The following CFAP95 variants were observed in gnomAD, a reference collection of about 807,000 sequenced individuals.
CFAP95 encodes the protein cilia and flagella associated protein 95.
the CFAP95 span, among the ~76,000 whole-genome samples, chr9:69,883,134 G>C: frequency 1.3e-4 from 20 of 152,228 alleles, no homozygotes; most frequent in South Asian, 4.1e-3. Flanking sequence ...ATTGGTGTAA[G>C]AGTTAAAGAA....
the CFAP95 span, among the ~76,000 whole-genome samples, chr9:69,873,732 A>G: frequency 7.9e-5 from 12 of 152,324 alleles, no homozygotes; most frequent in East Asian, 1.7e-3. Context: ...TCTGGCTGCC[A>G]GGAAGCTGGG....
the CFAP95 span, among the ~76,000 whole-genome samples, chr9:69,876,778 G>T: frequency 2.0e-5 from 3 of 151,948 alleles, no homozygotes; most frequent in African/African-American, 7.2e-5. Context: ...GGGACTACAG[G>T]CACCCGCCAG....
At chr9:69,864,456 G>C in the CFAP95 span, among the ~76,000 whole-genome samples, 1 of 152,104 alleles carries the variant, frequency 6.6e-6, no homozygotes, top group Non-Finnish European at 1.5e-5. Context: ...CTGCCTAATA[G>C]CCCTCTCTGG....
At chr9:69,857,176 A>G in the CFAP95 span, among the ~76,000 whole-genome samples, 2 of 151,592 alleles carry the variant, frequency 1.3e-5, no homozygotes, top group Admixed American at 6.6e-5. Flanking sequence ...TTGCTTTTTG[A>G]TTTTTGTTCT....
the CFAP95 span, among the ~76,000 whole-genome samples, chr9:69,843,541 TCCTCCTCCTC>T: frequency 3.5e-5 from 1 of 28,802 alleles, no homozygotes; most frequent in Admixed American, 4.2e-4. Flanking sequence ...CTCCTCCTCC[TCCTCCTCCTC>T]CTCCTCCTTC....
chr9:69,834,287 A>C, the CFAP95 span, among the ~76,000 whole-genome samples: 1 of 152,198 alleles, frequency 6.6e-6, no homozygotes, highest in African/African-American at 2.4e-5. Flanking sequence ...GAGAGGATCA[A>C]GGAAACTCAG....
At chr9:69,898,148 T>C in the CFAP95 span, among the ~76,000 whole-genome samples, 3 of 152,150 alleles carry the variant, frequency 2.0e-5, no homozygotes, top group Admixed American at 2.0e-4. Context: ...TGGCTAGAGG[T>C]TAATTGACAT....
chr9:69,838,698 TC>T, the CFAP95 span, among the ~76,000 whole-genome samples: 2 of 151,442 alleles, frequency 1.3e-5, no homozygotes, highest in Non-Finnish European at 2.9e-5. Context: ...TTTGACTTCC[TC>T]TTTTCCTAAT....
At chr9:69,843,535 T>A in the CFAP95 span, among the ~76,000 whole-genome samples, 7 of 24,322 alleles carry the variant, frequency 2.9e-4, 1 homozygote, top group African/African-American at 9.6e-4. Context: ...CTCCTCCTCC[T>A]CCTCCTCCTC....
the CFAP95 span, among the ~76,000 whole-genome samples, chr9:69,823,692 GT>G: frequency 6.6e-6 from 1 of 152,206 alleles, no homozygotes; most frequent in Non-Finnish European, 1.5e-5. Flanking sequence ...TTTCACCTGG[GT>G]GCAGGCGGGC....
the CFAP95 span, among the ~76,000 whole-genome samples, chr9:69,828,794 T>C: frequency 6.6e-6 from 1 of 152,268 alleles, no homozygotes; most frequent in South Asian, 2.1e-4. Context: ...GGTGCATTTA[T>C]GGATTATTTG....
chr9:69,843,517 T>TCC, the CFAP95 span, among the ~76,000 whole-genome samples: 1 of 2,456 alleles, frequency 4.1e-4, no homozygotes, highest in South Asian at 0.17. Flanking sequence ...CTCCTCCTCC[T>TCC]CCTCCTCCTC....
chr9:69,853,584 G>T, the CFAP95 span, among the ~76,000 whole-genome samples: 1 of 152,158 alleles, frequency 6.6e-6, no homozygotes, highest in African/African-American at 2.4e-5. Flanking sequence ...AAGCCCAAAA[G>T]ACTTTTAAAC....
the CFAP95 span, among the ~76,000 whole-genome samples, chr9:69,896,622 TC>T: frequency 1.3e-5 from 2 of 152,218 alleles, no homozygotes; most frequent in African/African-American, 2.4e-5. Context: ...AGTAAATACT[TC>T]TTAAATACAT....
chr9:69,845,376 C>T, the CFAP95 span, among the ~76,000 whole-genome samples: 1 of 152,040 alleles, frequency 6.6e-6, no homozygotes, highest in Non-Finnish European at 1.5e-5. Flanking sequence ...GGCCTCGGGG[C>T]ATGAAGAGCT....
chr9:69,833,070 A>G, the CFAP95 span, among the ~76,000 whole-genome samples: 4 of 152,154 alleles, frequency 2.6e-5, no homozygotes, highest in African/African-American at 4.8e-5. Context: ...ATTTAATTCA[A>G]TGGCTTTTAG....
chr9:69,831,120 T>A, the CFAP95 span, among the ~76,000 whole-genome samples: 8 of 152,290 alleles, frequency 5.3e-5, no homozygotes, highest in South Asian at 1.7e-3. Flanking sequence ...TGCAGAAATA[T>A]TATAATATGT....
chr9:69,904,677 C>T, the CFAP95 span, among the ~76,000 whole-genome samples: 1 of 152,138 alleles, frequency 6.6e-6, no homozygotes, highest in Non-Finnish European at 1.5e-5. Context: ...GAGAAGATCT[C>T]ACCTCCCTTT....
chr9:69,860,910 A>G, the CFAP95 span, among the ~76,000 whole-genome samples: 129 of 152,146 alleles, frequency 8.5e-4, 1 homozygote, highest in Non-Finnish European at 2.1e-4. Context: ...TGTGATAACA[A>G]TGCCTTCTTC....
Sources: gnomAD v4.1 joint callset for allele counts (sites outside exome capture counted in the v4.1 genomes callset) on GRCh38, gnomAD v4.1.1 for gene constraint, MANE v1.5 for transcripts, NCBI Gene and HGNC (gene_info 2026-07-23, HGNC 2026-07-21) for gene names.